The following NBDY variants were observed in gnomAD, a reference collection of about 807,000 sequenced individuals.
NBDY encodes negative regulator of P-body association.
intron 2 of NBDY, among the ~76,000 whole-genome samples, chrX:56,767,347 CG>C (rs1389206686): frequency 2.6e-5 from 3 of 113,244 alleles, no homozygotes; most frequent in African/African-American, 9.6e-5. Flanking sequence ...TGGCAGCCCT[CG>C]CTCGCTCTCG....
intron 2 of NBDY, among the ~76,000 whole-genome samples, chrX:56,753,064 C>T (rs2069593505): frequency 8.9e-6 from 1 of 112,539 alleles, no homozygotes; most frequent in East Asian, 2.8e-4. Context: ...AGATCTTAAA[C>T]GTTTCCAAGA....
At chrX:56,814,544 G>A (rs1337871757) in intron 2 of NBDY, among the ~76,000 whole-genome samples, 1 of 106,314 alleles carries the variant, frequency 9.4e-6, no homozygotes, top group Non-Finnish European at 1.9e-5. Flanking sequence ...CTAGGCTGGT[G>A]TGCAGTGGTG....
Position 56,729,369 on chromosome X carries a change from T to G in NBDY, c.16T>G (p.Cys6Gly), listed in dbSNP as rs1294073763. MGDQP[C>G]ASGRSTLPPG... The stretch of plus-strand genomic sequence containing the variant: ...TGTAATCCTTATGGGAGACCAACCT[T>G]GTGCCTCCGGGAGATCCACTCTCCC... The change falls in exon 1 of 3, where the codon TGT (cysteine) becomes GGT (glycine). Residue 6 changes from cysteine to glycine, a missense_variant. Transcript: ENST00000374922. The G allele has an allele frequency of 6.8e-6, 2 of 293,692 alleles. No individual in the cohort carries two copies. The highest frequency in any genetic ancestry group is 5.9e-6 in the Non-Finnish European group (1 of 169,369). 24.2% of individuals were successfully genotyped at this position (293,692 alleles called of 1,213,427 possible). A position where few individuals can be genotyped will look rare whatever the true frequency, so the allele number is the denominator to read the frequency against.
intron 2 of NBDY, among the ~76,000 whole-genome samples, chrX:56,739,230 T>TTG (rs1168874061): frequency 2.1e-4 from 14 of 66,453 alleles, no homozygotes; most frequent in African/African-American, 4.6e-4. Context: ...ATATGTGTGT[T>TTG]TGTGTGTGTA....
At chrX:56,731,590 A>C (rs765742583) in intron 1 of NBDY, among the ~76,000 whole-genome samples, 1 of 110,343 alleles carries the variant, frequency 9.1e-6, no homozygotes, top group Admixed American at 9.7e-5. Flanking sequence ...TAAATAAATA[A>C]TTTTAAAAAA....
In NBDY at chrX:56,817,574, G is replaced by A. The variant is rs1266916561; in HGVS notation, c.*421G>A. The A allele has an allele frequency of 2.7e-5, 3 of 111,779 alleles. No individual in the cohort carries two copies. Among genetic ancestry groups the A allele is most frequent in the Non-Finnish European group, 3.8e-5 (2 of 53,146 alleles). The allele number at this position is 111,779 out of a possible 1,213,427, so 9.2% of individuals were successfully genotyped here. ...GCCCCAATAAAGTTTGTCTCTAAGCGCTGTGTTAGATCTATATGACTACAT... is the reference window on the plus strand; with the variant it reads ...GCCCCAATAAAGTTTGTCTCTAAGCACTGTGTTAGATCTATATGACTACAT... On this transcript the variant is annotated 3_prime_UTR_variant, in exon 3 of 3. Coordinates refer to ENST00000374922, the MANE Select transcript of NBDY (RefSeq NM_001348129.2).
At chrX:56,785,634 C>T (rs1048352180) in intron 2 of NBDY, among the ~76,000 whole-genome samples, 2 of 111,438 alleles carry the variant, frequency 1.8e-5, no homozygotes, top group Non-Finnish European at 3.8e-5. Flanking sequence ...CAGTAGAGAG[C>T]AGGGCAGCCT....
At chrX:56,740,551 C>T (rs762733486) in intron 2 of NBDY, among the ~76,000 whole-genome samples, 1 of 111,690 alleles carries the variant, frequency 9.0e-6, no homozygotes, top group Admixed American at 9.5e-5. Context: ...GAGTTAAAAT[C>T]TCCCACTGTA....
intron 2 of NBDY, among the ~76,000 whole-genome samples, chrX:56,735,085 G>A (rs1263684383): frequency 8.9e-6 from 1 of 111,818 alleles, no homozygotes; most frequent in Non-Finnish European, 1.9e-5. Flanking sequence ...GTGTGTTTCA[G>A]GTACTTTCAT....
At chrX:56,781,062 G>A (rs896897600) in intron 2 of NBDY, among the ~76,000 whole-genome samples, 31 of 111,250 alleles carry the variant, frequency 2.8e-4, no homozygotes, top group Non-Finnish European at 5.5e-4. Flanking sequence ...TTGGGACATC[G>A]GGTGAAGTAA....
intron 2 of NBDY, among the ~76,000 whole-genome samples, chrX:56,805,295 G>A (rs1314617791): frequency 1.8e-5 from 2 of 112,487 alleles, no homozygotes; most frequent in Non-Finnish European, 3.8e-5. Context: ...GTGGCATTGG[G>A]AGTCTGAATG....
At chrX:56,746,274 AT>A (rs1421731278) in intron 2 of NBDY, among the ~76,000 whole-genome samples, 1 of 109,269 alleles carries the variant, frequency 9.2e-6, no homozygotes, top group Non-Finnish European at 1.9e-5. Context: ...TCTCCCTCTC[AT>A]TGTATAAAGA....
chrX:56,736,548 G>C (rs759792084), intron 2 of NBDY, among the ~76,000 whole-genome samples: 11 of 111,935 alleles, frequency 9.8e-5, no homozygotes, highest in Non-Finnish European at 1.9e-4. Context: ...CCACAGGCGT[G>C]AGCCACCACG....
intron 2 of NBDY, among the ~76,000 whole-genome samples, chrX:56,744,181 T>C (rs1172396490): frequency 8.9e-6 from 1 of 111,871 alleles, no homozygotes. Flanking sequence ...AGATGCTTCA[T>C]ATTATTTCAA....
At chrX:56,747,794 C>G in intron 2 of NBDY, among the ~76,000 whole-genome samples, 1 of 111,561 alleles carries the variant, frequency 9.0e-6, no homozygotes, top group Non-Finnish European at 1.9e-5. Flanking sequence ...TGAACTCAGC[C>G]AATGGTAGTT....
chrX:56,761,191 G>A (rs994401559), intron 2 of NBDY, among the ~76,000 whole-genome samples: 2 of 112,025 alleles, frequency 1.8e-5, no homozygotes, highest in African/African-American at 6.5e-5. Flanking sequence ...AATGTCCTCA[G>A]GCACATATAT....
chrX:56,736,931 G>C (rs964533428), intron 2 of NBDY, among the ~76,000 whole-genome samples: 1 of 111,527 alleles, frequency 9.0e-6, no homozygotes, highest in Non-Finnish European at 1.9e-5. Flanking sequence ...GCTTCCATAA[G>C]GCTATAACTC....
At chrX:56,760,590 A>G (rs1053863909) in intron 2 of NBDY, among the ~76,000 whole-genome samples, 3 of 112,312 alleles carry the variant, frequency 2.7e-5, no homozygotes, top group South Asian at 7.4e-4. Flanking sequence ...AGGCTGAGGC[A>G]GGAGAATCGC....
intron 2 of NBDY, among the ~76,000 whole-genome samples, chrX:56,746,177 ATCAAC>A (rs1481634770): frequency 9.0e-6 from 1 of 111,272 alleles, no homozygotes; most frequent in East Asian, 2.8e-4. Context: ...AACTTTCACA[ATCAAC>A]TCAATAGGGA....
Sources: gnomAD v4.1 joint callset for allele counts (sites outside exome capture counted in the v4.1 genomes callset) on GRCh38, gnomAD v4.1.1 for gene constraint, MANE v1.5 for transcripts, NCBI Gene and HGNC (gene_info 2026-07-23, HGNC 2026-07-21) for gene names.